CNTLN: variants seen among roughly 807,000 people sequenced by gnomAD.
CNTLN encodes the protein centlein, centrosomal protein.
Under a neutral mutation model 180.0 loss-of-function variants are expected in CNTLN, and 212 were observed. That is an observed-to-expected ratio of 1.18 (90% CI 1.05 to 1.32). CNTLN has a LOEUF of 1.32. Among genes scored for constraint, CNTLN ranks in the 40% most tolerant of loss-of-function variants. The pLI is 0.00. For missense variants in CNTLN, 2,095 were observed against 1,610.9 expected (o/e 1.30, Z -5.14); for synonymous variants, 722 against 563.1 (o/e 1.28, Z -3.99).
intron 10 of CNTLN, 66 bp downstream of exon 10, chr9:17,332,796 C>T (rs566239513): frequency 1.5e-6 from 2 of 1,327,950 alleles, no homozygotes; most frequent in East Asian, 5.1e-5. Flanking sequence ...AGTAAACATA[C>T]AGTTCATAGA....
chr9:17,162,628 G>A (rs889110380), intron 2 of CNTLN, among the ~76,000 whole-genome samples: 3 of 152,282 alleles, frequency 2.0e-5, no homozygotes, highest in African/African-American at 7.2e-5. Context: ...TAAACATATA[G>A]GTGGTATAAT....
At chr9:17,400,208 G>A (rs1826862147) in intron 15 of CNTLN, among the ~76,000 whole-genome samples, 1 of 152,036 alleles carries the variant, frequency 6.6e-6, no homozygotes, top group Admixed American at 6.6e-5. Flanking sequence ...CGTGGTCTCG[G>A]CTCACTGCAA....
At chr9:17,329,044 T>A (rs983116412) in intron 8 of CNTLN, among the ~76,000 whole-genome samples, 1 of 152,090 alleles carries the variant, frequency 6.6e-6, no homozygotes, top group South Asian at 2.1e-4. Flanking sequence ...GCTATAGCAT[T>A]ATAATCCATT....
intron 2 of CNTLN, among the ~76,000 whole-genome samples, chr9:17,203,056 G>C (rs550287544): frequency 7.6e-6 from 1 of 131,286 alleles, no homozygotes; most frequent in African/African-American, 3.4e-5. Context: ...CTCAGCATTT[G>C]CCTGGTCTGG....
chr9:17,271,679 A>T (rs1215287392), intron 5 of CNTLN, among the ~76,000 whole-genome samples: 1 of 152,130 alleles, frequency 6.6e-6, no homozygotes, highest in African/African-American at 2.4e-5. Flanking sequence ...CCATATCCCT[A>T]CGAGAGATCT....
chr9:17,155,312 G>A (rs1300612139), intron 2 of CNTLN, among the ~76,000 whole-genome samples: 2 of 152,206 alleles, frequency 1.3e-5, no homozygotes, highest in African/African-American at 2.4e-5. Flanking sequence ...TGGGAGTCAG[G>A]GACCCATTTG....
intron 7 of CNTLN, chr9:17,298,662 G>T (rs1818126338): frequency 9.8e-7 from 1 of 1,021,996 alleles, no homozygotes; most frequent in Non-Finnish European, 1.2e-6. Context: ...AAACTGGAAT[G>T]GAATTCCTCG....
intron 13 of CNTLN, among the ~76,000 whole-genome samples, chr9:17,383,605 A>G (rs1354424574): frequency 2.6e-5 from 4 of 152,138 alleles, no homozygotes; most frequent in Admixed American, 6.5e-5. Flanking sequence ...AAGTAAATTG[A>G]AACAAAAGTT....
chr9:17,141,284 T>C (rs1161068831), intron 1 of CNTLN, among the ~76,000 whole-genome samples: 4 of 152,128 alleles, frequency 2.6e-5, no homozygotes, highest in Non-Finnish European at 5.9e-5. Flanking sequence ...TGAAATGTGC[T>C]GTGAAAAAAA....
chr9:17,253,834 T>A (rs1159996034), intron 5 of CNTLN, among the ~76,000 whole-genome samples: 1 of 151,022 alleles, frequency 6.6e-6, no homozygotes, highest in Non-Finnish European at 1.5e-5. Flanking sequence ...GTGGTAAAAC[T>A]GGGCATTCTT....
intron 5 of CNTLN, among the ~76,000 whole-genome samples, chr9:17,254,542 A>C (rs549122696): frequency 6.6e-6 from 1 of 151,130 alleles, no homozygotes; most frequent in Non-Finnish European, 1.5e-5. Context: ...TTCTGGCAAC[A>C]TTTGTTGAAA....
chr9:17,378,225 G>A (rs1369900651), intron 13 of CNTLN, among the ~76,000 whole-genome samples: 1 of 152,088 alleles, frequency 6.6e-6, no homozygotes, highest in Middle Eastern at 3.2e-3. Context: ...CTGTCACCAG[G>A]CTGGAATGCA....
At chr9:17,256,972 A>C (rs1034603169) in intron 5 of CNTLN, among the ~76,000 whole-genome samples, 1 of 151,602 alleles carries the variant, frequency 6.6e-6, no homozygotes, top group Non-Finnish European at 1.5e-5. Context: ...CATTTTGTTT[A>C]ACATTTTTTT....
At chr9:17,233,348 A>T (rs1339554201) in intron 3 of CNTLN, among the ~76,000 whole-genome samples, 1 of 152,154 alleles carries the variant, frequency 6.6e-6, no homozygotes, top group African/African-American at 2.4e-5. Context: ...TAAACATGAT[A>T]AAAATTTAGA....
intron 8 of CNTLN, among the ~76,000 whole-genome samples, chr9:17,313,278 A>G (rs1196844953): frequency 6.6e-6 from 1 of 152,104 alleles, no homozygotes; most frequent in African/African-American, 2.4e-5. Context: ...TTTTCATTGC[A>G]GTGTTAATCC....
intron 25 of CNTLN, among the ~76,000 whole-genome samples, chr9:17,491,776 C>T (rs569915802): frequency 6.6e-6 from 1 of 152,204 alleles, no homozygotes; most frequent in East Asian, 1.9e-4. Context: ...CTTGCAAATG[C>T]TGAAATTTAA....
At position 17,217,420 on chromosome 9, in the gene CNTLN, A is replaced by G. The variant is rs16935405; in HGVS notation, c.450-8783A>G. ...CGGAGCACAAAATATTGACATGATA[A>G]TTGTAGTCAAGCCTGAGTGAACAGT... On this transcript the variant is annotated intron_variant, in intron 2 of 25. Coordinates refer to ENST00000380647, the MANE Select transcript of CNTLN (RefSeq NM_017738.4). Among the ~76,000 whole-genome samples, 3,038 of 152,298 alleles carry G rather than the reference A, an allele frequency of 0.02. 237 individuals carry two copies. The East Asian group carries it at 0.28, about 14-fold the overall frequency.
At chr9:17,517,649 C>T in the CNTLN span, among the ~76,000 whole-genome samples, 1 of 152,016 alleles carries the variant, frequency 6.6e-6, no homozygotes, top group South Asian at 2.1e-4. Flanking sequence ...GGACTGCCAG[C>T]CACCACCAGG....
At chr9:17,261,548 A>G (rs1582030) in intron 5 of CNTLN, among the ~76,000 whole-genome samples, 72,212 of 150,982 alleles carry the variant, frequency 0.48, 18,347 homozygotes, top group South Asian at 0.72. Flanking sequence ...TACTGAAATT[A>G]TGTATTCCCT....
Sources: gnomAD v4.1 joint callset for allele counts (sites outside exome capture counted in the v4.1 genomes callset) on GRCh38, gnomAD v4.1.1 for gene constraint, MANE v1.5 for transcripts, NCBI Gene and HGNC (gene_info 2026-07-23, HGNC 2026-07-21) for gene names.